RIMS1: variants seen among roughly 807,000 people sequenced by gnomAD.
RIMS1 encodes regulating synaptic membrane exocytosis 1.
RIMS1 carries 83 observed loss-of-function variants against 214.1 expected under a neutral mutation model. The observed-to-expected ratio is 0.39, with a 90% CI of 0.32 to 0.47. The LOEUF (loss-of-function observed/expected upper bound fraction) is 0.47, where lower values mean the gene tolerates loss of function less well. RIMS1 is among the 20% of genes least tolerant of loss of function. The probability of loss-of-function intolerance (pLI) is 0.99; values close to 1 mark genes in which losing one functional copy is unlikely to be tolerated. For missense variants in RIMS1, 2,050 were observed against 2,161.8 expected (o/e 0.95, Z 1.03); for synonymous variants, 793 against 786.8 (o/e 1.01, Z -0.13).
intron 1 of RIMS1, among the ~76,000 whole-genome samples, chr6:71,934,759 C>T (rs922202519): frequency 2.6e-5 from 4 of 152,164 alleles, no homozygotes; most frequent in Admixed American, 2.6e-4. Flanking sequence ...TCTCAAATGA[C>T]ACCAAATTCC....
At chr6:72,080,458 G>A (rs150806996) in intron 2 of RIMS1, among the ~76,000 whole-genome samples, 1 of 152,288 alleles carries the variant, frequency 6.6e-6, no homozygotes, top group East Asian at 1.9e-4. Context: ...CCTGACTGGA[G>A]TCTCAGCTTT....
chr6:72,315,054 G>A (rs990767437), intron 28 of RIMS1, among the ~76,000 whole-genome samples: 1 of 152,090 alleles, frequency 6.6e-6, no homozygotes, highest in African/African-American at 2.4e-5. Flanking sequence ...ATTTGGCTAT[G>A]TGATTTCTTT....
At chr6:72,130,200 C>CT (rs1346534750) in intron 4 of RIMS1, among the ~76,000 whole-genome samples, 10 of 152,098 alleles carry the variant, frequency 6.6e-5, no homozygotes, top group African/African-American at 2.4e-4. Context: ...CCCAAACTCT[C>CT]TGACTAGATG....
chr6:72,012,693 G>A (rs1318289750), intron 2 of RIMS1, among the ~76,000 whole-genome samples: 3 of 152,138 alleles, frequency 2.0e-5, no homozygotes, highest in Non-Finnish European at 4.4e-5. Flanking sequence ...GATGTACACA[G>A]CAAGGTTATA....
At chr6:72,261,720 A>C in intron 19 of RIMS1, 1 of 985,278 alleles carries the variant, frequency 1.0e-6, no homozygotes, top group Non-Finnish European at 1.2e-6. Context: ...GTCTGTGTGT[A>C]ATATGTAGTT....
At chr6:71,938,251 C>T (rs188875504) in intron 1 of RIMS1, among the ~76,000 whole-genome samples, 42 of 152,246 alleles carry the variant, frequency 2.8e-4, no homozygotes, top group African/African-American at 9.9e-4. Context: ...TCTTCCCATG[C>T]TAGAGTTGCA....
chr6:72,063,631 G>T (rs2152264628), intron 2 of RIMS1, among the ~76,000 whole-genome samples: 1 of 152,270 alleles, frequency 6.6e-6, no homozygotes, highest in East Asian at 1.9e-4. Context: ...TCAGAGGAGG[G>T]ACCCTCCAAC....
chr6:72,200,525 A>G (rs1345939441), intron 6 of RIMS1, among the ~76,000 whole-genome samples: 1 of 152,182 alleles, frequency 6.6e-6, no homozygotes, highest in Non-Finnish European at 1.5e-5. Context: ...TGCCATAGGG[A>G]AACATTTGGA....
chr6:72,078,662 A>G (rs1419075538), intron 2 of RIMS1, among the ~76,000 whole-genome samples: 2 of 151,916 alleles, frequency 1.3e-5, no homozygotes, highest in African/African-American at 2.4e-5. Context: ...GACTTAGGAG[A>G]AGCAAAAACA....
At chr6:72,271,640 TG>T (rs1431866092) in intron 22 of RIMS1, among the ~76,000 whole-genome samples, 1 of 152,140 alleles carries the variant, frequency 6.6e-6, no homozygotes, top group East Asian at 1.9e-4. Context: ...AGTTTATCAA[TG>T]CCTGGGGGAG....
chr6:72,354,349 A>G (rs1330062774), intron 29 of RIMS1, among the ~76,000 whole-genome samples: 1 of 152,148 alleles, frequency 6.6e-6, no homozygotes, highest in African/African-American at 2.4e-5. Context: ...CTAGAACTCT[A>G]TTTTATTAAA....
intron 2 of RIMS1, among the ~76,000 whole-genome samples, chr6:71,991,834 T>C (rs566385272): frequency 2.0e-5 from 3 of 152,248 alleles, no homozygotes; most frequent in African/African-American, 7.2e-5. Flanking sequence ...GAGGCCAAGG[T>C]GGGTGGATCA....
At chr6:72,155,624 A>G (rs112137802) in intron 4 of RIMS1, among the ~76,000 whole-genome samples, 2,048 of 141,124 alleles carry the variant, frequency 0.015, 413 homozygotes, top group Non-Finnish European at 0.023. Flanking sequence ...GCAGCAAATC[A>G]TTTCTTATTT....
intron 2 of RIMS1, among the ~76,000 whole-genome samples, chr6:72,028,064 T>A (rs541328463): frequency 6.6e-6 from 1 of 152,286 alleles, no homozygotes; most frequent in East Asian, 1.9e-4. Context: ...GTATAGGCTA[T>A]CAAATTGTTA....
chr6:72,043,275 A>C (rs66716830), intron 2 of RIMS1, among the ~76,000 whole-genome samples: 29,952 of 151,800 alleles, frequency 0.2, 3,163 homozygotes, highest in Non-Finnish European at 0.24. Flanking sequence ...ATTCTTATGA[A>C]ATAGGAAAGA....
At chr6:72,036,623 T>A (rs908739821) in intron 2 of RIMS1, among the ~76,000 whole-genome samples, 1 of 152,038 alleles carries the variant, frequency 6.6e-6, no homozygotes, top group African/African-American at 2.4e-5. Context: ...ATAACTGAGC[T>A]TTGAAGCAAA....
intron 6 of RIMS1, among the ~76,000 whole-genome samples, chr6:72,204,713 C>T (rs964297742): frequency 6.6e-6 from 1 of 152,082 alleles, no homozygotes; most frequent in African/African-American, 2.4e-5. Flanking sequence ...TTTATGGTTA[C>T]TAAAGTGATA....
intron 28 of RIMS1, among the ~76,000 whole-genome samples, chr6:72,329,125 T>C (rs1002809406): frequency 5.3e-5 from 8 of 151,894 alleles, no homozygotes; most frequent in African/African-American, 1.7e-4. Flanking sequence ...AGGTTAAATC[T>C]AGAAGCCAGG....
chr6:71,977,379 G>A (rs148836297), intron 2 of RIMS1, among the ~76,000 whole-genome samples: 32 of 152,258 alleles, frequency 2.1e-4, no homozygotes, highest in Middle Eastern at 3.4e-3. Flanking sequence ...CAATGAATTG[G>A]CCTATTTATT....
Sources: allele counts gnomAD v4.1 joint callset (sites outside exome capture counted in the v4.1 genomes callset), GRCh38; gene constraint gnomAD v4.1.1; transcripts MANE v1.5; gene names NCBI Gene and HGNC (gene_info 2026-07-23, HGNC 2026-07-21).